Variants in PATJ observed in about 807,000 individuals in gnomAD.
The protein encoded by PATJ is PATJ crumbs cell polarity complex component.
Under a neutral mutation model 224.9 loss-of-function variants are expected in PATJ, and 190 were observed. The ratio of observed to expected loss-of-function variants is 0.84; its 90% CI spans 0.75 to 0.95. The LOEUF (loss-of-function observed/expected upper bound fraction) is 0.95. Among genes scored for constraint, PATJ ranks in the 40% least tolerant of loss-of-function variants. PATJ has a pLI of 0.00. For synonymous variants in PATJ, 769 were observed against 820.3 expected (o/e 0.94, Z 1.07); for missense variants, 2,121 against 2,270.3 (o/e 0.93, Z 1.34).
chr1:61,884,414 A>G lies in PATJ; in HGVS notation c.3131+6A>G. 7.4e-7 allele frequency: 1 copy of G among 1,352,280 alleles called. No individual in the cohort carries two copies. The highest frequency in any genetic ancestry group is 1.0e-6 in the Non-Finnish European group (1 of 1,001,758). The allele number at this position is 1,352,280 out of a possible 1,614,324, so 83.8% of individuals were successfully genotyped here. ...AGATATGCCACTGATACATGGTATG[A>G]TATCATTTCTCTTTGTTTTCACATT... On this transcript the variant is annotated splice_donor_region_variant and intron_variant, in intron 22 of 43. Transcript: ENST00000642238.
At chr1:62,099,755 A>G (rs1306893069) in intron 33 of PATJ, among the ~76,000 whole-genome samples, 3 of 152,172 alleles carry the variant, frequency 2.0e-5, no homozygotes, top group Non-Finnish European at 2.9e-5. Context: ...GAAATGTAAA[A>G]TCTCATCTAC....
In PATJ at chr1:61,992,603, AT is replaced by A. The variant is rs376430080; in HGVS notation, c.3867+2241del. Among the ~76,000 whole-genome samples, 835 of 152,278 alleles carry A rather than the reference AT, an allele frequency of 5.5e-3. 2 individuals carry two copies. Among genetic ancestry groups the A allele is most frequent in the African/African-American group, 0.019 (801 of 41,554 alleles). ...AAAGGCTATAATTTGGAATATGAAG[AT>A]TCTTGTTCTGTTCTTTCTACCTTAT... is the stretch of plus-strand genomic sequence containing the variant. On this transcript the variant is annotated intron_variant, in intron 28 of 43. Coordinates refer to ENST00000642238, the MANE Select transcript of PATJ (RefSeq NM_001350145.3).
chr1:61,995,712 A>T (rs751057051), intron 28 of PATJ, among the ~76,000 whole-genome samples: 1 of 152,220 alleles, frequency 6.6e-6, no homozygotes, highest in African/African-American at 2.4e-5. Flanking sequence ...TGCTAGTAAG[A>T]GGGTTACTGA....
rs574489037 is a variant in PATJ, at chr1:61,942,874, T to C, written c.3670+15045T>C. Among the ~76,000 whole-genome samples the C allele has an allele frequency of 2.0e-4, 30 of 152,234 alleles. No individual in the cohort carries two copies. In the South Asian group the frequency reaches 6.2e-3, roughly 32 times the overall value. Reference sequence around the variant, plus strand: ...AGCAGTTTCTTTAAAAGTCTGCATATAGGTTTACTATACAACCCAGCAATT... The same window carrying C: ...AGCAGTTTCTTTAAAAGTCTGCATACAGGTTTACTATACAACCCAGCAATT... On this transcript the variant is annotated intron_variant, in intron 27 of 43. Transcript: ENST00000642238.
intron 20 of PATJ, among the ~76,000 whole-genome samples, chr1:61,866,171 G>C (rs759773106): frequency 2.0e-5 from 3 of 152,126 alleles, no homozygotes; most frequent in Non-Finnish European, 1.5e-5. Context: ...TACATATTCA[G>C]TTATATGAAT....
chr1:61,762,757 CT>C (rs1646037766), intron 1 of PATJ, 100 bp from the exon 2 acceptor site: 1 of 539,924 alleles, frequency 1.9e-6, no homozygotes, highest in Non-Finnish European at 3.3e-6. Context: ...TGAGTGGAGC[CT>C]TGATAAAGAA....
chr1:61,893,485 GTTTT>G (rs66571879), intron 22 of PATJ, among the ~76,000 whole-genome samples: 1 of 139,248 alleles, frequency 7.2e-6, no homozygotes, highest in African/African-American at 2.6e-5. Flanking sequence ...ATTTTAGGGT[GTTTT>G]TTTTTTTTTT....
chr1:61,795,502 C>T lies in PATJ; in HGVS notation c.1204C>T (p.Pro402Ser), dbSNP rs144426637. The change falls in exon 10 of 44, where the codon CCT becomes TCT. Residue 402 changes from proline to serine, a missense_variant. Physicochemically the swap from Pro to Ser is moderately conservative, Grantham distance 74. Transcript: ENST00000642238. ...ASGIYVKSII[P>S]GSAAYHNGHI... The stretch of plus-strand genomic sequence containing the variant: ...AGGGATTTATGTGAAAAGTATAATA[C>T]CTGGCAGTGCTGCGTACCACAATGG... 23 of 1,608,940 alleles carry T rather than the reference C, an allele frequency of 1.4e-5. No homozygotes were observed. In the African/African-American group the frequency reaches 2.8e-4, roughly 20 times the overall value.
chr1:61,891,909 A>C (rs576999632), intron 22 of PATJ, among the ~76,000 whole-genome samples: 33 of 152,354 alleles, frequency 2.2e-4, no homozygotes, highest in Admixed American at 2.0e-3. Flanking sequence ...TGCACCAGGC[A>C]ACCACTAATC....
chr1:61,770,508 A>G (rs979076304), intron 5 of PATJ, among the ~76,000 whole-genome samples: 1 of 152,128 alleles, frequency 6.6e-6, no homozygotes, highest in Non-Finnish European at 1.5e-5. Flanking sequence ...AATGCATGTA[A>G]AGCACTCAAC....
At chr1:61,913,048 CGT>C (rs1672926165) in intron 25 of PATJ, among the ~76,000 whole-genome samples, 1 of 152,080 alleles carries the variant, frequency 6.6e-6, no homozygotes, top group Non-Finnish European at 1.5e-5. Context: ...TTGTTTTTTA[CGT>C]AAATGACACG....
rs80239846 is a variant in PATJ at position 61,891,580 on chromosome 1, G to A, written c.3131+7172G>A. On this transcript the variant is annotated intron_variant, in intron 22 of 43. Transcript: ENST00000642238. The stretch of plus-strand genomic sequence containing the variant: ...GCGGTGGCCCACACTGCAGATGAAG[G>A]CGAATGTGAACAATTAGGACAAGAG... Among the ~76,000 whole-genome samples the A allele has an allele frequency of 5.2e-3, 788 of 152,234 alleles. 10 individuals carry two copies. The highest frequency in any genetic ancestry group is 0.018 in the African/African-American group (750 of 41,528).
At chr1:62,043,582 A>T (rs991515652) in intron 30 of PATJ, among the ~76,000 whole-genome samples, 11 of 152,208 alleles carry the variant, frequency 7.2e-5, no homozygotes, top group African/African-American at 2.4e-4. Flanking sequence ...ACAGCCCTCT[A>T]GTAGAACTCC....
chr1:61,831,821 A>G (rs1659376289), intron 16 of PATJ, among the ~76,000 whole-genome samples: 1 of 152,226 alleles, frequency 6.6e-6, no homozygotes, highest in Admixed American at 6.5e-5. Flanking sequence ...CAGCAGTCCC[A>G]TTACTGCGTA....
intron 28 of PATJ, among the ~76,000 whole-genome samples, chr1:62,015,781 A>G (rs1345248932): frequency 6.6e-6 from 1 of 152,086 alleles, no homozygotes; most frequent in Non-Finnish European, 1.5e-5. Context: ...CAGTGGCGCC[A>G]TCTCAGCTCC....
chr1:61,769,479 A>G, intron 5 of PATJ, 57 bp downstream of exon 5: 2 of 1,536,054 alleles, frequency 1.3e-6, no homozygotes, highest in South Asian at 2.4e-5. Context: ...TCTGAAAACT[A>G]TTATAAAGAG....
chr1:61,794,477 A>G (rs1050574720), intron 9 of PATJ, among the ~76,000 whole-genome samples: 4 of 152,178 alleles, frequency 2.6e-5, no homozygotes, highest in Non-Finnish European at 4.4e-5. Flanking sequence ...TTTGGAAATA[A>G]AAATGTAAAA....
chr1:62,083,639 C>T (rs1032479379), intron 32 of PATJ, among the ~76,000 whole-genome samples: 2 of 152,034 alleles, frequency 1.3e-5, no homozygotes, highest in African/African-American at 4.8e-5. Context: ...CTATGAACCC[C>T]GCAAGTAATT....
In PATJ at chr1:61,856,169, C is replaced by T. The variant is rs1312430644; in HGVS notation, c.2252C>T (p.Ala751Val). The T allele has an allele frequency of 6.2e-7, 1 of 1,614,180 alleles. No homozygotes were observed. Among genetic ancestry groups the T allele is most frequent in the South Asian group, 1.1e-5 (1 of 91,086 alleles). Residue 751 changes from alanine (A) to valine (V), a missense_variant, in exon 18 of 44, where the codon GCT (alanine) becomes GTT (valine). Physicochemically the swap from Ala to Val is moderately conservative, Grantham distance 64. Coordinates refer to ENST00000642238, the MANE Select transcript of PATJ (RefSeq NM_001350145.3). ...TACTGTTTGGACAACACCTCACTTG[C>T]TGAAGCTGTGGAAATATTGAAAGCT... ...NEYCLDNTSL[A>V]EAVEILKAVP... is the part of the protein sequence containing the mutation.
Sources: gnomAD v4.1 joint callset for allele counts (sites outside exome capture counted in the v4.1 genomes callset) on GRCh38, gnomAD v4.1.1 for gene constraint, MANE v1.5 for transcripts, NCBI Gene and HGNC (gene_info 2026-07-23, HGNC 2026-07-21) for gene names.